Variants in ANO10 observed in about 807,000 individuals in gnomAD.
The protein encoded by ANO10 is anoctamin 10.
A neutral mutation model predicts 74.7 loss-of-function variants in ANO10; 77 were observed. The observed-to-expected ratio is 1.03, with a 90% CI of 0.86 to 1.25. ANO10 has a LOEUF of 1.25. Among genes scored for constraint, ANO10 ranks in the 50% most tolerant of loss-of-function variants. The pLI is 0.00. For missense variants in ANO10, 721 were observed against 778.1 expected (o/e 0.93, Z 0.87); for synonymous variants, 279 against 284.9 (o/e 0.98, Z 0.21).
intron 1 of ANO10, among the ~76,000 whole-genome samples, chr3:43,688,476 A>G (rs34104729): frequency 0.03 from 4,494 of 152,276 alleles, 86 homozygotes; most frequent in Middle Eastern, 0.071. Flanking sequence ...CAGTTTTGGG[A>G]AGGCCTCCAA....
chr3:43,468,319 G>T (rs1428477908), intron 11 of ANO10, among the ~76,000 whole-genome samples: 3 of 152,124 alleles, frequency 2.0e-5, no homozygotes, highest in Admixed American at 2.0e-4. Flanking sequence ...ATTGACACAT[G>T]GGCCCTTGGG....
intron 11 of ANO10, among the ~76,000 whole-genome samples, chr3:43,467,769 A>T (rs1292353668): frequency 6.6e-6 from 1 of 152,250 alleles, no homozygotes; most frequent in Non-Finnish European, 1.5e-5. Flanking sequence ...GATGAAGAAT[A>T]GTGCATAAGG....
At chr3:43,674,919 G>T (rs1172149769) in intron 1 of ANO10, among the ~76,000 whole-genome samples, 1 of 152,164 alleles carries the variant, frequency 6.6e-6, no homozygotes, top group African/African-American at 2.4e-5. Flanking sequence ...TCCTGGAAGG[G>T]ATTAAAAGCT....
At chr3:43,668,926 C>A (rs1265724325) in intron 1 of ANO10, among the ~76,000 whole-genome samples, 1 of 152,014 alleles carries the variant, frequency 6.6e-6, no homozygotes, top group East Asian at 1.9e-4. Flanking sequence ...TACATAATTG[C>A]ATTTTATCTT....
Position 43,514,273 on chromosome 3 carries a change from T to C in ANO10, c.1797+35447A>G, listed in dbSNP as rs912930021. On this transcript the variant is annotated intron_variant, in intron 11 of 12. Transcript: ENST00000292246. ...CACACTTGAAATATATAGACACAAA[T>C]AGGTTCAAAGTAAATGAACCTATGG... Among the ~76,000 whole-genome samples, 18 of 152,086 alleles carry C rather than the reference T, an allele frequency of 1.2e-4. 1 individual carries two copies. Among genetic ancestry groups the C allele is most frequent in the Admixed American group, 8.5e-4 (13 of 15,272 alleles).
chr3:43,596,250 TG>T (rs2082078384), intron 4 of ANO10, among the ~76,000 whole-genome samples: 1 of 152,114 alleles, frequency 6.6e-6, no homozygotes. Flanking sequence ...TTCACAGAAT[TG>T]GAAAAAACTA....
At chr3:43,471,928 A>T (rs1174480178) in intron 11 of ANO10, among the ~76,000 whole-genome samples, 1 of 152,198 alleles carries the variant, frequency 6.6e-6, no homozygotes, top group African/African-American at 2.4e-5. Flanking sequence ...AATGGATGAA[A>T]AAAAGGTCAA....
At chr3:43,516,866 T>C (rs1361401859) in intron 11 of ANO10, among the ~76,000 whole-genome samples, 1 of 152,006 alleles carries the variant, frequency 6.6e-6, no homozygotes, top group Non-Finnish European at 1.5e-5. Context: ...TAAAACAGAG[T>C]AGGAAGGAAG....
At chr3:43,411,223 A>C (rs2092660221) in intron 12 of ANO10, among the ~76,000 whole-genome samples, 3 of 152,222 alleles carry the variant, frequency 2.0e-5, no homozygotes, top group Non-Finnish European at 4.4e-5. Context: ...AAAGAAGTTA[A>C]TCAAGAATTT....
intron 1 of ANO10, among the ~76,000 whole-genome samples, chr3:43,610,635 T>C (rs2082772445): frequency 6.6e-6 from 1 of 152,214 alleles, no homozygotes; most frequent in Non-Finnish European, 1.5e-5. Context: ...CAGTCTGTTG[T>C]TGACCAAAAT....
rs775976499 is a variant in ANO10, at chr3:43,549,759, T to C, written c.1758A>G (p.Glu586=). ...CAATCAAAATGAGGTCTGCTTTTGA[T>C]TCTGGAAAGACTGCATTCACTTGTG... is the stretch of plus-strand genomic sequence containing the variant. ...MSPQVNAVFP[E]SKADLILIVV... is the part of the protein sequence containing the mutation. Residue 586 remains glutamate (E), a synonymous_variant, in exon 11 of 13, where the codon GAA becomes GAG. Coordinates refer to ENST00000292246, the MANE Select transcript of ANO10 (RefSeq NM_018075.5). 1 of 1,614,076 alleles carries C rather than the reference T, an allele frequency of 6.2e-7. No homozygotes were observed. The highest frequency in any genetic ancestry group is 1.7e-5 in the Admixed American group (1 of 60,014).
At chr3:43,588,175 T>C (rs954509258) in intron 4 of ANO10, among the ~76,000 whole-genome samples, 2 of 152,164 alleles carry the variant, frequency 1.3e-5, no homozygotes, top group Non-Finnish European at 2.9e-5. Flanking sequence ...ACTTGTATTG[T>C]TAATATTAAA....
chr3:43,564,264 G>A (rs1246662187), intron 8 of ANO10, among the ~76,000 whole-genome samples: 2 of 151,972 alleles, frequency 1.3e-5, no homozygotes, highest in Non-Finnish European at 2.9e-5. Context: ...GAACTCCTGG[G>A]CTCAAGCAAT....
At chr3:43,532,742 A>ATTTTAATGCTT (rs1484699194) in intron 11 of ANO10, among the ~76,000 whole-genome samples, 1 of 152,202 alleles carries the variant, frequency 6.6e-6, no homozygotes, top group East Asian at 1.9e-4. Flanking sequence ...AATTCATATT[A>ATTTTAATGCTT]TTTTAATGCT....
In ANO10 at chr3:43,559,065, T is replaced by C. The variant is rs183835399; in HGVS notation, c.1476+2155A>G. ...GGAAGGCAAGGTCTTGAACCTTCTT[T>C]CTGATTTAGTCACCAAATAATTAAT... is the stretch of plus-strand genomic sequence containing the variant. On this transcript the variant is annotated intron_variant, in intron 9 of 12. Coordinates refer to ENST00000292246, the MANE Select transcript of ANO10 (RefSeq NM_018075.5). 2.6e-3 allele frequency among the ~76,000 whole-genome samples: 395 copies of C among 152,352 alleles called. 1 individual carries two copies. Among genetic ancestry groups the C allele is most frequent in the African/African-American group, 9.0e-3 (376 of 41,584 alleles).
At chr3:43,489,650 C>T (rs111472648) in intron 11 of ANO10, among the ~76,000 whole-genome samples, 3 of 152,076 alleles carry the variant, frequency 2.0e-5, no homozygotes, top group Non-Finnish European at 2.9e-5. Flanking sequence ...CACAGTTAGA[C>T]AGAATGAATT....
chr3:43,568,870 C>A (rs1181456135), intron 7 of ANO10, among the ~76,000 whole-genome samples: 3 of 150,374 alleles, frequency 2.0e-5, no homozygotes, highest in African/African-American at 5.0e-5. Context: ...ACACAAAAAA[C>A]CCTTCAAAAA....
At chr3:43,475,638 G>A (rs982827053) in intron 11 of ANO10, among the ~76,000 whole-genome samples, 1 of 152,080 alleles carries the variant, frequency 6.6e-6, no homozygotes, top group Non-Finnish European at 1.5e-5. Context: ...TTGCTGTGTT[G>A]CCTAGGCTGG....
At chr3:43,518,039 C>CA (rs1366286049) in intron 11 of ANO10, among the ~76,000 whole-genome samples, 2 of 152,100 alleles carry the variant, frequency 1.3e-5, no homozygotes, top group Admixed American at 6.6e-5. Context: ...GCACATAACT[C>CA]AAAGGCAGGA....
Sources: allele counts gnomAD v4.1 joint callset (sites outside exome capture counted in the v4.1 genomes callset), GRCh38; gene constraint gnomAD v4.1.1; transcripts MANE v1.5; gene names NCBI Gene and HGNC (gene_info 2026-07-23, HGNC 2026-07-21).